Variants in SLC35D4 observed in about 807,000 individuals in gnomAD.
The protein encoded by SLC35D4 is UDP-N-acetylglucosamine transporter SLC35D4.
the SLC35D4 span, among the ~76,000 whole-genome samples, chr18:23,363,734 G>C: frequency 6.6e-5 from 10 of 152,278 alleles, no homozygotes; most frequent in Admixed American, 3.3e-4. Flanking sequence ...CTGCTGGGTG[G>C]CAGCTACCTG....
chr18:23,305,898 T>C, the SLC35D4 span, among the ~76,000 whole-genome samples: 1 of 152,204 alleles, frequency 6.6e-6, no homozygotes, highest in Admixed American at 6.5e-5. Flanking sequence ...CTGGCACATA[T>C]GAGGCACTTG....
At chr18:23,300,895 C>T in the SLC35D4 span, among the ~76,000 whole-genome samples, 4 of 152,346 alleles carry the variant, frequency 2.6e-5, no homozygotes, top group South Asian at 2.1e-4. Context: ...TATGAGGGAC[C>T]GAAGCCTCCA....
chr18:23,283,365 T>C, the SLC35D4 span, among the ~76,000 whole-genome samples: 1 of 148,898 alleles, frequency 6.7e-6, no homozygotes, highest in Admixed American at 6.8e-5. Context: ...TCCCAGCTAC[T>C]CAGGAGGCTG....
At chr18:23,378,768 AACT>A in the SLC35D4 span, among the ~76,000 whole-genome samples, 1 of 152,248 alleles carries the variant, frequency 6.6e-6, no homozygotes, top group Admixed American at 6.5e-5. Flanking sequence ...GCTGGGAACA[AACT>A]ACAATTTTTG....
chr18:23,368,651 T>C, the SLC35D4 span: 1 of 1,065,940 alleles, frequency 9.4e-7, no homozygotes. Context: ...AATCAAAATA[T>C]TATTGGAAAA....
At chr18:23,334,242 T>C in the SLC35D4 span, among the ~76,000 whole-genome samples, 1 of 152,168 alleles carries the variant, frequency 6.6e-6, no homozygotes, top group African/African-American at 2.4e-5. Flanking sequence ...AATAATGGCC[T>C]GAGGGTGAGG....
At chr18:23,411,526 A>AAAGAAAGG in the SLC35D4 span, among the ~76,000 whole-genome samples, 2 of 151,518 alleles carry the variant, frequency 1.3e-5, no homozygotes, top group East Asian at 3.9e-4. Flanking sequence ...AGAAAGAAAG[A>AAAGAAAGG]AAGAAAGAAA....
At chr18:23,427,947 C>T in the SLC35D4 span, among the ~76,000 whole-genome samples, 113 of 152,236 alleles carry the variant, frequency 7.4e-4, no homozygotes, top group African/African-American at 2.7e-3. Context: ...CACGTTCTCA[C>T]TCATAGGTGG....
chr18:23,403,439 C>G, the SLC35D4 span, among the ~76,000 whole-genome samples: 2 of 152,138 alleles, frequency 1.3e-5, no homozygotes, highest in Non-Finnish European at 2.9e-5. Flanking sequence ...CTACAGGAGA[C>G]AGGGTAGAAC....
At chr18:23,294,104 T>C in the SLC35D4 span, among the ~76,000 whole-genome samples, 1 of 152,268 alleles carries the variant, frequency 6.6e-6, no homozygotes, top group East Asian at 1.9e-4. Context: ...GCCCTTATTT[T>C]TCTTTATATC....
the SLC35D4 span, chr18:23,310,169 A>C: frequency 1.0e-6 from 1 of 970,536 alleles, no homozygotes; most frequent in Non-Finnish European, 1.2e-6. Context: ...CCAGATAAAA[A>C]CTTATCTGTC....
At chr18:23,328,843 G>A in the SLC35D4 span, among the ~76,000 whole-genome samples, 1 of 152,216 alleles carries the variant, frequency 6.6e-6, no homozygotes, top group East Asian at 1.9e-4. Flanking sequence ...GCACAGTACT[G>A]GTACCAAAAC....
chr18:23,353,790 T>C, the SLC35D4 span, among the ~76,000 whole-genome samples: 1 of 152,196 alleles, frequency 6.6e-6, no homozygotes. Context: ...TATTCCTCAC[T>C]GTGCTTACTG....
At chr18:23,402,522 A>C in the SLC35D4 span, among the ~76,000 whole-genome samples, 2 of 152,230 alleles carry the variant, frequency 1.3e-5, no homozygotes, top group Non-Finnish European at 2.9e-5. Context: ...ATGATTCCCT[A>C]GGCCAGGTGC....
chr18:23,259,295 G>C, the SLC35D4 span: 1 of 150,982 alleles, frequency 6.6e-6, no homozygotes, highest in South Asian at 2.1e-4. Flanking sequence ...CTGCCCATCT[G>C]CCCCCGAATT....
chr18:23,326,139 T>G, the SLC35D4 span, among the ~76,000 whole-genome samples: 1 of 152,352 alleles, frequency 6.6e-6, no homozygotes, highest in African/African-American at 2.4e-5. Flanking sequence ...ACTGAGCATG[T>G]GCTCAGGACA....
At chr18:23,376,628 G>A in the SLC35D4 span, among the ~76,000 whole-genome samples, 1 of 152,224 alleles carries the variant, frequency 6.6e-6, no homozygotes, top group South Asian at 2.1e-4. Flanking sequence ...GGGAGGAGAG[G>A]AGAATCCTGA....
chr18:23,297,298 T>C, the SLC35D4 span: 1 of 152,092 alleles, frequency 6.6e-6, no homozygotes, highest in East Asian at 1.9e-4. Flanking sequence ...GGTGGGAGGA[T>C]TGCTTGAGCC....
At chr18:23,374,273 T>C in the SLC35D4 span, among the ~76,000 whole-genome samples, 2 of 152,162 alleles carry the variant, frequency 1.3e-5, no homozygotes, top group African/African-American at 4.8e-5. Context: ...CCTCTTGATA[T>C]AAAGCTCGGA....
Sources: gnomAD v4.1 joint callset for allele counts (sites outside exome capture counted in the v4.1 genomes callset) on GRCh38, gnomAD v4.1.1 for gene constraint, MANE v1.5 for transcripts, NCBI Gene and HGNC (gene_info 2026-07-23, HGNC 2026-07-21) for gene names.